CHCHD3: variants seen among roughly 807,000 people sequenced by gnomAD.
The protein encoded by CHCHD3 is MICOS complex subunit MIC19.
CHCHD3 carries 20 observed loss-of-function variants against 38.2 expected under a neutral mutation model. The observed-to-expected ratio is 0.52, with a 90% CI of 0.37 to 0.76. The LOEUF is 0.76. CHCHD3 is among the 30% of genes least tolerant of loss of function. The pLI is 0.00. For missense variants in CHCHD3, 245 were observed against 279.2 expected, an observed-to-expected ratio of 0.88 and a Z score of 0.87; for synonymous variants, 82 against 100.0, an observed-to-expected ratio of 0.82 and a Z score of 1.07.
chr7:132,912,134 G>A (rs1035662970), intron 4 of CHCHD3, among the ~76,000 whole-genome samples: 23 of 151,908 alleles, frequency 1.5e-4, no homozygotes, highest in African/African-American at 5.1e-4. Context: ...TTGTTATATA[G>A]GCCACCATTT....
chr7:133,063,890 T>C (rs1313928205), intron 2 of CHCHD3, among the ~76,000 whole-genome samples: 5 of 152,248 alleles, frequency 3.3e-5, no homozygotes, highest in Non-Finnish European at 7.4e-5. Context: ...CTGGTCTGTG[T>C]GCTAACTCTA....
intron 4 of CHCHD3, among the ~76,000 whole-genome samples, chr7:132,930,126 C>T (rs2117253168): frequency 6.6e-6 from 1 of 151,716 alleles, no homozygotes; most frequent in South Asian, 2.1e-4. Flanking sequence ...TATGGTGTTG[C>T]CTAACTCACT....
At chr7:133,062,347 A>G (rs1038935857) in intron 2 of CHCHD3, among the ~76,000 whole-genome samples, 2 of 152,244 alleles carry the variant, frequency 1.3e-5, no homozygotes, top group African/African-American at 4.8e-5. Flanking sequence ...TGAAATTTAA[A>G]TCAAAAATAG....
intron 5 of CHCHD3, among the ~76,000 whole-genome samples, chr7:132,872,342 G>A (rs545566362): frequency 1.5e-4 from 23 of 152,290 alleles, no homozygotes; most frequent in African/African-American, 4.6e-4. Flanking sequence ...CAAGCTAAGC[G>A]TGCTGGGCTG....
intron 4 of CHCHD3, among the ~76,000 whole-genome samples, chr7:132,889,053 A>G (rs1809295512): frequency 6.6e-6 from 1 of 152,100 alleles, no homozygotes; most frequent in Non-Finnish European, 1.5e-5. Context: ...AAATCTTTTA[A>G]ACATCAATAT....
At chr7:133,081,640 G>A (rs1815173364) in intron 1 of CHCHD3, among the ~76,000 whole-genome samples, 1 of 152,188 alleles carries the variant, frequency 6.6e-6, no homozygotes, top group South Asian at 2.1e-4. Flanking sequence ...TTCCCCGCCC[G>A]CCCCAGCAGT....
Position 133,035,398 on chromosome 7 carries a change from C to T in CHCHD3, c.170-10771G>A, listed in dbSNP as rs367543991. On this transcript the variant is annotated intron_variant, in intron 2 of 7. Coordinates refer to ENST00000262570, the MANE Select transcript of CHCHD3 (RefSeq NM_017812.4). The surrounding 1 kb of genome is among the most constrained non-coding windows in gnomAD (Gnocchi z 4.7). Reference sequence around the variant, plus strand: ...GCCCGGCGGAAAGAAGGCTCTAGAACCTGCTTATAGAGCCACAACAGGGTG... The same window carrying T: ...GCCCGGCGGAAAGAAGGCTCTAGAATCTGCTTATAGAGCCACAACAGGGTG... 6 of 1,613,526 alleles carry T rather than the reference C, an allele frequency of 3.7e-6. No individual in the cohort carries two copies. Among genetic ancestry groups the T allele is most frequent in the East Asian group, 4.5e-5 (2 of 44,882 alleles).
intron 2 of CHCHD3, among the ~76,000 whole-genome samples, chr7:133,065,359 T>C (rs1210051248): frequency 6.6e-6 from 1 of 152,188 alleles, no homozygotes; most frequent in Non-Finnish European, 1.5e-5. Flanking sequence ...TTCAGTAAAG[T>C]CTTCAGAGGA....
chr7:132,950,224 C>A (rs545345359), intron 4 of CHCHD3, among the ~76,000 whole-genome samples: 1 of 152,044 alleles, frequency 6.6e-6, no homozygotes, highest in South Asian at 2.1e-4. Context: ...ACATTCACTA[C>A]CTGGGTGACG....
intron 4 of CHCHD3, among the ~76,000 whole-genome samples, chr7:132,946,450 G>C (rs903990667): frequency 6.6e-6 from 1 of 151,834 alleles, no homozygotes; most frequent in Admixed American, 6.6e-5. Flanking sequence ...TGCTCAGTTT[G>C]CTCAAGATCT....
chr7:133,048,881 G>A (rs1814070398), intron 2 of CHCHD3, among the ~76,000 whole-genome samples: 1 of 152,278 alleles, frequency 6.6e-6, no homozygotes, highest in Non-Finnish European at 1.5e-5. Flanking sequence ...TCCGCCAAGA[G>A]AATGGAATTT....
At chr7:132,857,258 A>T (rs1808363963) in intron 5 of CHCHD3, among the ~76,000 whole-genome samples, 1 of 152,108 alleles carries the variant, frequency 6.6e-6, no homozygotes, top group African/African-American at 2.4e-5. Flanking sequence ...AGCTAGAATC[A>T]TTGAACTTTA....
At chr7:133,014,031 A>C (rs750246633) in intron 3 of CHCHD3, among the ~76,000 whole-genome samples, 4 of 152,160 alleles carry the variant, frequency 2.6e-5, no homozygotes, top group Non-Finnish European at 5.9e-5. Context: ...TTGTCACATT[A>C]GTGGTTTCAG....
chr7:132,819,392 A>G (rs1807284897), intron 6 of CHCHD3, among the ~76,000 whole-genome samples: 1 of 152,190 alleles, frequency 6.6e-6, no homozygotes, highest in Non-Finnish European at 1.5e-5. Context: ...CACACGAGAA[A>G]ACGCACTTTT....
chr7:133,024,341 A>G (rs1813273475), intron 3 of CHCHD3, among the ~76,000 whole-genome samples: 2 of 152,248 alleles, frequency 1.3e-5, no homozygotes, highest in Non-Finnish European at 2.9e-5. Context: ...TATAATGGTA[A>G]TTCACAGTCA....
At chr7:132,935,886 G>T (rs1275529386) in intron 4 of CHCHD3, among the ~76,000 whole-genome samples, 1 of 152,144 alleles carries the variant, frequency 6.6e-6, no homozygotes, top group Non-Finnish European at 1.5e-5. Flanking sequence ...GGAGTTTCTT[G>T]CTGCATTATC....
chr7:132,909,962 C>T (rs776264032), intron 4 of CHCHD3, among the ~76,000 whole-genome samples: 2 of 152,194 alleles, frequency 1.3e-5, no homozygotes, highest in Non-Finnish European at 2.9e-5. Context: ...TATGAGCTTT[C>T]CCATGAAAAA....
chr7:132,970,159 A>G (rs188346928), intron 4 of CHCHD3, among the ~76,000 whole-genome samples: 1 of 152,296 alleles, frequency 6.6e-6, no homozygotes, highest in East Asian at 1.9e-4. Context: ...CCACTCAGCA[A>G]CTTCTAGTAG....
chr7:132,983,597 A>C (rs1018863712), intron 3 of CHCHD3, among the ~76,000 whole-genome samples: 5 of 152,226 alleles, frequency 3.3e-5, no homozygotes, highest in African/African-American at 1.2e-4. Context: ...ATACTGCAGT[A>C]AAAAGTGATC....
Sources: allele counts gnomAD v4.1 joint callset (sites outside exome capture counted in the v4.1 genomes callset), GRCh38; gene constraint gnomAD v4.1.1; non-coding constraint Gnocchi (gnomAD v3.1); transcripts MANE v1.5; gene names NCBI Gene and HGNC (gene_info 2026-07-23, HGNC 2026-07-21).